GRB14: variants seen among roughly 807,000 people sequenced by gnomAD.
GRB14 encodes growth factor receptor-bound protein 14.
A neutral mutation model predicts 69.1 loss-of-function variants in GRB14; 38 were observed. The ratio of observed to expected loss-of-function variants is 0.55; its 90% CI spans 0.42 to 0.72. GRB14 has a LOEUF of 0.72. Ranked by LOEUF, GRB14 falls within the 30% of genes least tolerant of loss-of-function variation. The pLI is 0.00. For synonymous variants in GRB14, 247 were observed against 241.3 expected, an observed-to-expected ratio of 1.02 and a Z score of -0.22; for missense variants, 666 against 666.1, an observed-to-expected ratio of 1.00 and a Z score of 0.00.
intron 2 of GRB14, among the ~76,000 whole-genome samples, chr2:164,612,790 G>T (rs1018724003): frequency 2.0e-5 from 3 of 152,034 alleles, no homozygotes; most frequent in African/African-American, 7.3e-5. Context: ...CAAACCAGAA[G>T]CTGAGATTTC....
At chr2:164,606,618 C>T (rs1189396703) in intron 2 of GRB14, among the ~76,000 whole-genome samples, 1 of 152,136 alleles carries the variant, frequency 6.6e-6, no homozygotes, top group Non-Finnish European at 1.5e-5. Flanking sequence ...GGGACAAAGG[C>T]AGATTTCGCC....
Position 164,508,736 on chromosome 2 carries a change from C to G in GRB14, c.927+6G>C. 2 of 1,573,870 alleles carry G rather than the reference C, an allele frequency of 1.3e-6. No homozygotes were observed. The highest frequency in any genetic ancestry group is 3.9e-5 in the Admixed American group (2 of 51,282). On this transcript the variant is annotated splice_donor_region_variant and intron_variant, in intron 7 of 13. Coordinates refer to ENST00000263915, the MANE Select transcript of GRB14 (RefSeq NM_004490.3). ...TTATTCATCTATCAAAATATTAAGC[C>G]TGTACCTTAAAGCAGAATCCATAGT... is the stretch of plus-strand genomic sequence containing the variant.
rs1687265217 is a variant in GRB14 at position 164,508,865 on chromosome 2, A to AG, written c.817-14dup. ...AATGCCGCGGTTCCTTAAAAAAAAA[A>AG]GTATTGACATGGATACATATTTTTG... On this transcript the variant is annotated splice_polypyrimidine_tract_variant and intron_variant, in intron 6 of 13. Transcript: ENST00000263915. 1 of 1,516,852 alleles carries AG rather than the reference A, an allele frequency of 6.6e-7. No homozygotes were observed. The highest frequency in any genetic ancestry group is 1.4e-5 in the African/African-American group (1 of 71,234). The allele number at this position is 1,516,852 out of a possible 1,614,324, so 94.0% of individuals were successfully genotyped here.
chr2:164,508,569 T>C lies in GRB14; in HGVS notation c.928-19A>G, dbSNP rs1687254050. 1.2e-6 allele frequency: 2 copies of C among 1,604,654 alleles called. No individual in the cohort carries two copies. The highest frequency in any genetic ancestry group is 1.7e-6 in the Non-Finnish European group (2 of 1,171,600). Reference sequence around the variant, plus strand: ...TGTTAGGCTAGAAGGCCACAGCACATTGTTTATCGTTAATGCATATCTTGA... The same window carrying C: ...TGTTAGGCTAGAAGGCCACAGCACACTGTTTATCGTTAATGCATATCTTGA... On this transcript the variant is annotated intron_variant, in intron 7 of 13. Coordinates refer to ENST00000263915, the MANE Select transcript of GRB14 (RefSeq NM_004490.3).
chr2:164,587,671 T>C (rs1426991149), intron 2 of GRB14, among the ~76,000 whole-genome samples: 1 of 152,148 alleles, frequency 6.6e-6, no homozygotes, highest in Admixed American at 6.5e-5. Flanking sequence ...TAAACTCCAA[T>C]AAAGAATTTA....
intron 3 of GRB14, among the ~76,000 whole-genome samples, chr2:164,537,780 G>A (rs1210895279): frequency 3.3e-5 from 5 of 152,118 alleles, no homozygotes; most frequent in African/African-American, 1.2e-4. Flanking sequence ...TCCGGTCTGT[G>A]CGTGCCACCA....
intron 2 of GRB14, among the ~76,000 whole-genome samples, chr2:164,600,467 T>G (rs1036923327): frequency 6.6e-6 from 1 of 152,160 alleles, no homozygotes; most frequent in African/African-American, 2.4e-5. Context: ...ATGTCATTAT[T>G]TCAAACCCTG....
chr2:164,551,602 T>C (rs977775302), intron 2 of GRB14, among the ~76,000 whole-genome samples: 2 of 152,162 alleles, frequency 1.3e-5, no homozygotes, highest in African/African-American at 4.8e-5. Flanking sequence ...AACCATTCTT[T>C]CTTAGTTGCA....
intron 3 of GRB14, among the ~76,000 whole-genome samples, chr2:164,538,017 C>T (rs1267699750): frequency 1.3e-5 from 2 of 151,738 alleles, no homozygotes; most frequent in African/African-American, 4.8e-5. Context: ...AAAAAAAGAG[C>T]GAAGGAGCAG....
chr2:164,547,711 T>C lies in GRB14; in HGVS notation c.430A>G (p.Ile144Val), dbSNP rs761829327. 5 of 1,613,884 alleles carry C rather than the reference T, an allele frequency of 3.1e-6. No individual in the cohort carries two copies. Among genetic ancestry groups the C allele is most frequent in the Admixed American group, 1.7e-5 (1 of 60,012 alleles). The change falls in exon 3 of 14, where the codon ATT becomes GTT. Residue 144 changes from isoleucine (I) to valine (V), a missense_variant. Physicochemically the swap from Ile to Val is conservative, Grantham distance 29. Coordinates refer to ENST00000263915, the MANE Select transcript of GRB14 (RefSeq NM_004490.3). ...CQLLILKNHY[I>V]DDHSWTLFEH... Reference sequence around the variant, plus strand: ...AAAAGGGTCCAGCTGTGGTCATCAATGTAATGATTCTTCAGGATCAACAGC... The same window carrying C: ...AAAAGGGTCCAGCTGTGGTCATCAACGTAATGATTCTTCAGGATCAACAGC...
chr2:164,584,147 A>AT lies in GRB14; in HGVS notation c.324+35539dup, dbSNP rs55883951. Among the ~76,000 whole-genome samples the AT allele has an allele frequency of 7.3e-3, 362 of 49,902 alleles. 54 individuals carry two copies. The highest frequency in any genetic ancestry group is 8.1e-3 in the Non-Finnish European group (238 of 29,522). 32.7% of individuals were successfully genotyped at this position (49,902 alleles called of 152,430 possible). A position where few individuals can be genotyped will look rare whatever the true frequency, so the allele number is the denominator to read the frequency against. On this transcript the variant is annotated intron_variant, in intron 2 of 13. Coordinates refer to ENST00000263915, the MANE Select transcript of GRB14 (RefSeq NM_004490.3). ...ATAGGCATCCACCACCAGCCTGGCTATTTTTTTTTTTTTTTTTTTTTTTTT... is the reference window on the plus strand; with the variant it reads ...ATAGGCATCCACCACCAGCCTGGCTATTTTTTTTTTTTTTTTTTTTTTTTTT...
chr2:164,531,450 C>A (rs796761156), intron 3 of GRB14, among the ~76,000 whole-genome samples: 7 of 152,284 alleles, frequency 4.6e-5, no homozygotes, highest in African/African-American at 1.7e-4. Flanking sequence ...CCTTCCTCTA[C>A]CTCTAAGAAA....
chr2:164,549,042 T>C (rs1041338126), intron 2 of GRB14, among the ~76,000 whole-genome samples: 3 of 126,022 alleles, frequency 2.4e-5, no homozygotes, highest in Admixed American at 2.3e-4. Flanking sequence ...CACACCCAGC[T>C]AATTTTGTAT....
At chr2:164,564,651 T>C (rs543487327) in intron 2 of GRB14, among the ~76,000 whole-genome samples, 1 of 152,318 alleles carries the variant, frequency 6.6e-6, no homozygotes, top group South Asian at 2.1e-4. Flanking sequence ...TTCAGGATCT[T>C]GTGTGCTTAT....
intron 2 of GRB14, among the ~76,000 whole-genome samples, chr2:164,572,862 T>C (rs997997203): frequency 1.3e-5 from 2 of 152,148 alleles, no homozygotes; most frequent in Admixed American, 1.3e-4. Flanking sequence ...GTCCTACAAA[T>C]ACTTTTTTAA....
chr2:164,556,975 A>G (rs1688694167), intron 2 of GRB14, among the ~76,000 whole-genome samples: 1 of 152,198 alleles, frequency 6.6e-6, no homozygotes, highest in Non-Finnish European at 1.5e-5. Context: ...ACGGAGTTTG[A>G]AAACCTCTAT....
chr2:164,542,287 T>G (rs991936415), intron 3 of GRB14, among the ~76,000 whole-genome samples: 1 of 152,054 alleles, frequency 6.6e-6, no homozygotes, highest in Non-Finnish European at 1.5e-5. Flanking sequence ...TCAGGACGGA[T>G]TAAAGATTTA....
In GRB14 at chr2:164,536,994, C is replaced by T. The variant is rs143317262; in HGVS notation, c.482-9859G>A. 1.2e-3 allele frequency among the ~76,000 whole-genome samples: 182 copies of T among 152,216 alleles called. 1 individual carries two copies. The highest frequency in any genetic ancestry group is 4.0e-3 in the African/African-American group (166 of 41,518). On this transcript the variant is annotated intron_variant, in intron 3 of 13. Coordinates refer to ENST00000263915, the MANE Select transcript of GRB14 (RefSeq NM_004490.3). ...TGCCCAAGGGGTGTATGAGTACGGACGGTGGCAGCAAGCATCCTGATCATC... is the reference window on the plus strand; with the variant it reads ...TGCCCAAGGGGTGTATGAGTACGGATGGTGGCAGCAAGCATCCTGATCATC...
In GRB14 at chr2:164,547,746, T is replaced by C. The variant is rs764641193; in HGVS notation, c.395A>G (p.Asp132Gly). 3 of 1,613,570 alleles carry C rather than the reference T, an allele frequency of 1.9e-6. No individual in the cohort carries two copies. Among genetic ancestry groups the C allele is most frequent in the South Asian group, 2.2e-5 (2 of 91,054 alleles). Residue 132 changes from aspartate to glycine, a missense_variant, in exon 3 of 14, where the codon GAT (aspartate) becomes GGT (glycine). Coordinates refer to ENST00000263915, the MANE Select transcript of GRB14 (RefSeq NM_004490.3). ...LDVPSDITAR[D>G]VCQLLILKNH... ...CTTCAGGATCAACAGCTGACAAACA[T>C]CTCGAGCCGTTATGTCACTGGGTAC...
Sources: gnomAD v4.1 joint callset for allele counts (sites outside exome capture counted in the v4.1 genomes callset) on GRCh38, gnomAD v4.1.1 for gene constraint, MANE v1.5 for transcripts, NCBI Gene and HGNC (gene_info 2026-07-23, HGNC 2026-07-21) for gene names.